Variants in LSM8 observed in about 807,000 individuals in gnomAD.
LSM8 encodes LSM8 homolog, U6 small nuclear RNA associated, also known as LSM8 U6 small nuclear RNA associated.
Under a neutral mutation model 15.0 loss-of-function variants are expected in LSM8, and 14 were observed. That is an observed-to-expected ratio of 0.93 (90% CI 0.62 to 1.46). The LOEUF is 1.46. LSM8 is among the 40% of genes most tolerant of loss of function. The probability of loss-of-function intolerance (pLI) is 0.00; values close to 1 mark genes in which losing one functional copy is unlikely to be tolerated. For synonymous variants in LSM8, 50 were observed against 42.1 expected, an observed-to-expected ratio of 1.19 and a Z score of -0.73; for missense variants, 90 against 115.4, an observed-to-expected ratio of 0.78 and a Z score of 1.01.
In LSM8 at chr7:118,201,095, A is replaced by G. The variant is rs2191921; in HGVS notation, c.*9093A>G. ...AAAGGCAAATTTGAAATAACTATAA[A>G]AATAAACCTTTAATGAACTTTTTAA... On this transcript the variant is annotated 3_prime_UTR_variant, in exon 4 of 4. Transcript: ENST00000249299. Among the ~76,000 whole-genome samples, 10,434 of 152,202 alleles carry G rather than the reference A, an allele frequency of 0.069. 387 individuals carry two copies. Among genetic ancestry groups the G allele is most frequent in the East Asian group, 0.11 (569 of 5,184 alleles).
rs1331873739 is a variant in LSM8, at chr7:118,202,596, G to C, written c.*10594G>C. Among the ~76,000 whole-genome samples the C allele has an allele frequency of 4.6e-5, 7 of 151,990 alleles. No individual in the cohort carries two copies. The highest frequency in any genetic ancestry group is 1.7e-4 in the African/African-American group (7 of 41,414). ...ACTATACTGGCAAAATATACTGCTT[G>C]AATGCCATTGGCCAGATCTTTGTCA... On this transcript the variant is annotated 3_prime_UTR_variant, in exon 4 of 4. Transcript: ENST00000249299.
Position 118,201,265 on chromosome 7 carries a change from G to T in LSM8, c.*9263G>T, listed in dbSNP as rs1809169307. ...TGAATTTCCTTTATATTAAAGAAGA[G>T]GAGAAAATCTTAATACTAAGTATGT... On this transcript the variant is annotated 3_prime_UTR_variant, in exon 4 of 4. Coordinates refer to ENST00000249299, the MANE Select transcript of LSM8 (RefSeq NM_016200.5). 6.6e-6 allele frequency among the ~76,000 whole-genome samples: 1 copy of T among 151,980 alleles called. No homozygotes were observed. Among genetic ancestry groups the T allele is most frequent in the African/African-American group, 2.4e-5 (1 of 41,396 alleles).
Position 118,198,873 on chromosome 7 carries a change from G to A in LSM8, c.*6871G>A, listed in dbSNP as rs1216994361. 5.3e-5 allele frequency among the ~76,000 whole-genome samples: 8 copies of A among 152,174 alleles called. No individual in the cohort carries two copies. Among genetic ancestry groups the A allele is most frequent in the Non-Finnish European group, 1.2e-4 (8 of 68,032 alleles). ...TATGCCTGAGACCATAGGCCTTGCTGTTACAGTTTAAGCTCTGGGAAACGA... is the reference window on the plus strand; with the variant it reads ...TATGCCTGAGACCATAGGCCTTGCTATTACAGTTTAAGCTCTGGGAAACGA... On this transcript the variant is annotated 3_prime_UTR_variant, in exon 4 of 4. Coordinates refer to ENST00000249299, the MANE Select transcript of LSM8 (RefSeq NM_016200.5).
Position 118,188,285 on chromosome 7 carries a change from T to C in LSM8, c.80T>C (p.Leu27Pro). The C allele has an allele frequency of 1.2e-6, 2 of 1,613,624 alleles. No individual in the cohort carries two copies. Among genetic ancestry groups the C allele is most frequent in the Non-Finnish European group, 1.7e-6 (2 of 1,179,556 alleles). The change falls in exon 3 of 4, where the codon CTG (leucine) becomes CCG (proline). Residue 27 changes from leucine (L) to proline (P), a missense_variant. Transcript: ENST00000249299. ...TSDGRMIVGT[L>P]KGFDQTINLI... ...TGAATATTTTCTTTACAGGGAACAC[T>C]GAAAGGTTTTGACCAGACCATTAAT... is the stretch of plus-strand genomic sequence containing the variant.
chr7:118,191,654 C>A (rs565389336), intron 3 of LSM8: 10 of 348,020 alleles, frequency 2.9e-5, no homozygotes, highest in Admixed American at 4.5e-5. Flanking sequence ...GATACAATCA[C>A]TGTGTACAAT....
rs1028972722 is a variant in LSM8 at position 118,203,860 on chromosome 7, A to T, written c.*11858A>T. Among the ~76,000 whole-genome samples, 2 of 151,790 alleles carry T rather than the reference A, an allele frequency of 1.3e-5. No individual in the cohort carries two copies. Among genetic ancestry groups the T allele is most frequent in the African/African-American group, 4.8e-5 (2 of 41,422 alleles). On this transcript the variant is annotated 3_prime_UTR_variant, in exon 4 of 4. Coordinates refer to ENST00000249299, the MANE Select transcript of LSM8 (RefSeq NM_016200.5). ...GAATAAATTTGCCACCTTATTGCAT[A>T]TGAAGAATATCTCCATATTCTTACA...
intron 3 of LSM8, chr7:118,191,708 A>G: frequency 2.0e-6 from 1 of 500,276 alleles, no homozygotes; most frequent in East Asian, 3.3e-5. Context: ...CCTTCAAATT[A>G]TTTCTTGAGT....
At position 118,195,978 on chromosome 7, in the gene LSM8, T is replaced by G. The variant is rs940628255; in HGVS notation, c.*3976T>G. ...TTTATAGGGATTATTGATGTGAGATTTGGTCAGATGCTTTGATGTGATCTT... is the reference window on the plus strand; with the variant it reads ...TTTATAGGGATTATTGATGTGAGATGTGGTCAGATGCTTTGATGTGATCTT... On this transcript the variant is annotated 3_prime_UTR_variant, in exon 4 of 4. Coordinates refer to ENST00000249299, the MANE Select transcript of LSM8 (RefSeq NM_016200.5). Among the ~76,000 whole-genome samples the G allele has an allele frequency of 6.6e-6, 1 of 152,200 alleles. No homozygotes were observed. The highest frequency in any genetic ancestry group is 1.5e-5 in the Non-Finnish European group (1 of 68,038).
Position 118,184,371 on chromosome 7 carries a change from A to T in LSM8, c.31+117A>T, listed in dbSNP as rs546721318. 1.2e-4 allele frequency: 148 copies of T among 1,246,576 alleles called. No individual in the cohort carries two copies. In the African/African-American group the frequency reaches 2.2e-3, roughly 18 times the overall value. 77.2% of individuals were successfully genotyped at this position (1,246,576 alleles called of 1,614,324 possible). A position where few individuals can be genotyped will look rare whatever the true frequency, so the allele number is the denominator to read the frequency against. ...CGGGATCCTGGGGGCGGGCGAGGAG[A>T]TGAGGGCCCCGGAACGACCCAGAGT... On this transcript the variant is annotated intron_variant, in intron 1 of 3. Coordinates refer to ENST00000249299, the MANE Select transcript of LSM8 (RefSeq NM_016200.5).
intron 1 of LSM8, 48 bp downstream of exon 1, chr7:118,184,302 GC>G: frequency 6.9e-7 from 1 of 1,449,050 alleles, no homozygotes; most frequent in Non-Finnish European, 9.2e-7. Flanking sequence ...TCGCGGAGAG[GC>G]CGCGGTCGGG....
rs1223085569 is a variant in LSM8 at position 118,191,774 on chromosome 7, C to G, written c.201-138C>G. The G allele has an allele frequency of 8.0e-6, 5 of 622,732 alleles. No individual in the cohort carries two copies. In the East Asian group the frequency reaches 1.4e-4, roughly 18 times the overall value. The allele number at this position is 622,732 out of a possible 1,614,324, so 38.6% of individuals were successfully genotyped here. A position where few individuals can be genotyped will look rare whatever the true frequency, so the allele number is the denominator to read the frequency against. On this transcript the variant is annotated intron_variant, in intron 3 of 3. Transcript: ENST00000249299. ...CACGCCAATGTTGTTTGCTTTTTAC[C>G]TTAATTCTTTTTACTGTGCTCTCTC... is the stretch of plus-strand genomic sequence containing the variant.
intron 1 of LSM8, 151 bp from the exon 2 acceptor site, chr7:118,185,503 T>C (rs1028772003): frequency 4.4e-6 from 3 of 685,458 alleles, no homozygotes; most frequent in Non-Finnish European, 7.5e-6. Context: ...TCTAAGAAAC[T>C]TTTAACGTTT....
intron 1 of LSM8, chr7:118,184,752 T>A (rs1808856691): frequency 6.6e-6 from 1 of 152,578 alleles, no homozygotes; most frequent in Non-Finnish European, 1.5e-5. Flanking sequence ...AAATGGTTGC[T>A]GTTGTAATGG....
In LSM8 at chr7:118,184,215, C is replaced by A; in HGVS notation, c.-9C>A. 6.5e-7 allele frequency: 1 copy of A among 1,542,238 alleles called. No homozygotes were observed. Among genetic ancestry groups the A allele is most frequent in the Non-Finnish European group, 8.8e-7 (1 of 1,142,588 alleles). ...CGCTGCGTTACCCGGAACCGCCGGGCCGAACAGCATGACGTCCGCTTTGGA... is the reference window on the plus strand; with the variant it reads ...CGCTGCGTTACCCGGAACCGCCGGGACGAACAGCATGACGTCCGCTTTGGA... On this transcript the variant is annotated 5_prime_UTR_variant, in exon 1 of 4. Transcript: ENST00000249299.
At position 118,196,700 on chromosome 7, in the gene LSM8, T is replaced by TTTTATTTATTTA. The variant is rs200053888; in HGVS notation, c.*4734_*4745dup. Among the ~76,000 whole-genome samples, 220 of 129,802 alleles carry TTTTATTTATTTA rather than the reference T, an allele frequency of 1.7e-3. No homozygotes were observed. The highest frequency in any genetic ancestry group is 1.9e-3 in the Non-Finnish European group (117 of 60,952). The allele number at this position is 129,802 out of a possible 152,430, so 85.2% of individuals were successfully genotyped here. A position where few individuals can be genotyped will look rare whatever the true frequency, so the allele number is the denominator to read the frequency against. On this transcript the variant is annotated 3_prime_UTR_variant, in exon 4 of 4. Coordinates refer to ENST00000249299, the MANE Select transcript of LSM8 (RefSeq NM_016200.5). The stretch of plus-strand genomic sequence containing the variant: ...TTTCTTTTTTTTTAAGTCCTTTAAT[T>TTTTATTTATTTA]TTTATTTATTTATTTATTTATTTAT...
At position 118,192,267 on chromosome 7, in the gene LSM8, GTACT is replaced by G. The variant is rs1808995971; in HGVS notation, c.*267_*270del. ...TTTTGAAAACTTTTAGAAAAAAGTAGTACTTTTTGATACTTTAGTATTTATGGAA... is the reference window on the plus strand; with the variant it reads ...TTTTGAAAACTTTTAGAAAAAAGTAGTTTTGATACTTTAGTATTTATGGAA... On this transcript the variant is annotated 3_prime_UTR_variant, in exon 4 of 4. Transcript: ENST00000249299. The G allele has an allele frequency of 1.1e-5, 3 of 276,470 alleles. No homozygotes were observed. In the Admixed American group the frequency reaches 1.5e-4, roughly 13 times the overall value. The allele number at this position is 276,470 out of a possible 1,614,324, so 17.1% of individuals were successfully genotyped here. A position where few individuals can be genotyped will look rare whatever the true frequency, so the allele number is the denominator to read the frequency against.
chr7:118,186,197 C>T (rs1808888153), intron 2 of LSM8, among the ~76,000 whole-genome samples: 1 of 152,072 alleles, frequency 6.6e-6, no homozygotes, highest in Non-Finnish European at 1.5e-5. Flanking sequence ...GTAAAATTGG[C>T]TTGTTCCTTG....
chr7:118,190,566 C>T (rs937792507), intron 3 of LSM8: 3 of 152,062 alleles, frequency 2.0e-5, no homozygotes, highest in African/African-American at 4.8e-5. Flanking sequence ...ATCAGTCTCC[C>T]GCTTTTTTTC....
At chr7:118,186,074 G>C (rs1470961980) in intron 2 of LSM8, among the ~76,000 whole-genome samples, 1 of 152,062 alleles carries the variant, frequency 6.6e-6, no homozygotes, top group Non-Finnish European at 1.5e-5. Flanking sequence ...TTAATATCTA[G>C]ATAACATTTA....
Sources: allele counts gnomAD v4.1 joint callset (sites outside exome capture counted in the v4.1 genomes callset), GRCh38; gene constraint gnomAD v4.1.1; transcripts MANE v1.5; gene names NCBI Gene and HGNC (gene_info 2026-07-23, HGNC 2026-07-21).